Variants in RGS17 observed in about 807,000 individuals in gnomAD.
RGS17 encodes the protein regulator of G-protein signaling 17.
Under a neutral mutation model 25.5 loss-of-function variants are expected in RGS17, and 12 were observed. That is an observed-to-expected ratio of 0.47 (90% CI 0.30 to 0.76). The LOEUF (loss-of-function observed/expected upper bound fraction) is 0.76. RGS17 is among the 30% of genes least tolerant of loss of function. The probability of loss-of-function intolerance (pLI) is 0.07; values close to 1 mark genes in which losing one functional copy is unlikely to be tolerated. For missense variants in RGS17, 196 were observed against 242.2 expected (o/e 0.81, Z 1.27); for synonymous variants, 71 against 76.9 (o/e 0.92, Z 0.40).
intron 1 of RGS17, among the ~76,000 whole-genome samples, chr6:153,098,901 G>A (rs79982150): frequency 4.7e-4 from 71 of 152,264 alleles, no homozygotes; most frequent in African/African-American, 1.7e-3. Context: ...CATTGATGGA[G>A]TAAAAGAGAA....
intron 1 of RGS17, among the ~76,000 whole-genome samples, chr6:153,107,088 T>G (rs1191555815): frequency 1.3e-5 from 2 of 151,262 alleles, no homozygotes; most frequent in African/African-American, 4.9e-5. Flanking sequence ...ATCCCAGCAC[T>G]TTGGGAGGCC....
intron 1 of RGS17, among the ~76,000 whole-genome samples, chr6:153,073,287 G>A (rs1007735718): frequency 1.3e-5 from 2 of 152,134 alleles, no homozygotes; most frequent in Non-Finnish European, 2.9e-5. Context: ...CCCCAGCCCA[G>A]GAGATGCAGT....
rs991066696 is a variant in RGS17, at chr6:153,006,703, AAAT to A, written c.*4868_*4870del. ...ATTATTGACGTGATGCACTTTGATAAAATAATAATGTATGCCACACTTTATTCT... is the reference window on the plus strand; with the variant it reads ...ATTATTGACGTGATGCACTTTGATAAAATAATGTATGCCACACTTTATTCT... On this transcript the variant is annotated 3_prime_UTR_variant, in exon 5 of 5. Transcript: ENST00000206262. The A allele has an allele frequency of 8.5e-5, 13 of 152,258 alleles. No homozygotes were observed. Among genetic ancestry groups the A allele is most frequent in the Non-Finnish European group, 1.3e-4 (9 of 68,044 alleles). 9.4% of individuals were successfully genotyped at this position (152,258 alleles called of 1,614,324 possible).
chr6:153,053,641 C>T (rs1425022209), intron 1 of RGS17, among the ~76,000 whole-genome samples: 1 of 151,574 alleles, frequency 6.6e-6, no homozygotes, highest in Admixed American at 6.6e-5. Flanking sequence ...AAAAATTTAA[C>T]CAGGCATGGT....
intron 1 of RGS17, among the ~76,000 whole-genome samples, chr6:153,085,749 T>C: frequency 6.6e-6 from 1 of 152,178 alleles, no homozygotes; most frequent in East Asian, 1.9e-4. Context: ...ATTTCCTTCA[T>C]TACTCTTACA....
At position 153,027,823 on chromosome 6, in the gene RGS17, A is replaced by G. The variant is rs1307173373; in HGVS notation, c.120-1280T>C. Reference sequence around the variant, plus strand: ...TAGACACTGAGGTCATAGACCACTTACTATGTGAATGCAAAGAAGGGTCAC... The same window carrying G: ...TAGACACTGAGGTCATAGACCACTTGCTATGTGAATGCAAAGAAGGGTCAC... On this transcript the variant is annotated intron_variant, in intron 2 of 4. Coordinates refer to ENST00000206262, the MANE Select transcript of RGS17 (RefSeq NM_012419.5). Among the ~76,000 whole-genome samples the G allele has an allele frequency of 2.6e-5, 4 of 152,286 alleles. No individual in the cohort carries two copies. The East Asian group carries it at 7.7e-4, about 29-fold the overall frequency.
intron 1 of RGS17, among the ~76,000 whole-genome samples, chr6:153,086,492 T>C (rs1777054723): frequency 6.6e-6 from 1 of 152,202 alleles, no homozygotes; most frequent in Admixed American, 6.5e-5. Context: ...AATACATTTA[T>C]AACCACCTTG....
At chr6:153,053,954 A>G (rs1320651267) in intron 1 of RGS17, among the ~76,000 whole-genome samples, 1 of 45,790 alleles carries the variant, frequency 2.2e-5, no homozygotes, top group African/African-American at 2.4e-4. Flanking sequence ...ATATATATAC[A>G]TATATATTAT....
chr6:153,051,722 G>T (rs1419149008), intron 1 of RGS17, among the ~76,000 whole-genome samples: 1 of 152,034 alleles, frequency 6.6e-6, no homozygotes, highest in Non-Finnish European at 1.5e-5. Flanking sequence ...ATGTGAAGAG[G>T]GACTTATCAA....
chr6:153,075,696 T>C (rs1776866284), intron 1 of RGS17, among the ~76,000 whole-genome samples: 1 of 152,194 alleles, frequency 6.6e-6, no homozygotes, highest in Non-Finnish European at 1.5e-5. Flanking sequence ...AATGGAGAAC[T>C]GTGCATCTGT....
chr6:153,063,110 C>A (rs1776661655), intron 1 of RGS17, among the ~76,000 whole-genome samples: 1 of 152,128 alleles, frequency 6.6e-6, no homozygotes, highest in Non-Finnish European at 1.5e-5. Context: ...TACAAAGGAG[C>A]CCAGGCAGTG....
At chr6:153,024,207 T>C (rs921705128) in intron 4 of RGS17, 55 bp downstream of exon 4, 22 of 1,220,604 alleles carry the variant, frequency 1.8e-5, no homozygotes, top group Non-Finnish European at 2.5e-5. Flanking sequence ...CAGCCATCCC[T>C]TGACGGTTAT....
intron 4 of RGS17, among the ~76,000 whole-genome samples, chr6:153,019,187 A>T (rs1779214346): frequency 6.6e-6 from 1 of 152,190 alleles, no homozygotes; most frequent in East Asian, 1.9e-4. Flanking sequence ...AGCGCACTAA[A>T]GCGAGCTGCT....
chr6:153,035,153 C>CA (rs55877870), intron 2 of RGS17, among the ~76,000 whole-genome samples: 25,522 of 146,636 alleles, frequency 0.17, 2,654 homozygotes, highest in African/African-American at 0.3. Flanking sequence ...GACTCTCTCA[C>CA]AAAAAAAAAA....
chr6:153,010,892 T>TG lies in RGS17; in HGVS notation c.*681_*682insC, dbSNP rs1334775896. The TG allele has an allele frequency of 6.6e-6, 1 of 151,108 alleles. No individual in the cohort carries two copies. The highest frequency in any genetic ancestry group is 1.9e-4 in the East Asian group (1 of 5,182). 9.4% of individuals were successfully genotyped at this position (151,108 alleles called of 1,614,324 possible). On this transcript the variant is annotated 3_prime_UTR_variant, in exon 5 of 5. Coordinates refer to ENST00000206262, the MANE Select transcript of RGS17 (RefSeq NM_012419.5). ...CTTTTTTCCTTCTTCCCTTTTTTTT[T>TG]TTTTTTGTTTTTTGCTTTTAGCATA...
At chr6:153,054,739 T>TA (rs11389990) in intron 1 of RGS17, among the ~76,000 whole-genome samples, 58,141 of 151,172 alleles carry the variant, frequency 0.38, 11,919 homozygotes, top group East Asian at 0.62. Context: ...TCAACCGGCT[T>TA]AAAAAAAACA....
chr6:153,125,134 T>A (rs1438275296), intron 1 of RGS17, among the ~76,000 whole-genome samples: 1 of 152,222 alleles, frequency 6.6e-6, no homozygotes, highest in African/African-American at 2.4e-5. Flanking sequence ...TCTGTTTTAC[T>A]GTAATGCCAT....
At chr6:153,051,383 T>C (rs1776460232) in intron 1 of RGS17, among the ~76,000 whole-genome samples, 2 of 152,172 alleles carry the variant, frequency 1.3e-5, no homozygotes, top group Admixed American at 6.5e-5. Flanking sequence ...AGAATACATA[T>C]GTAATCATGG....
At chr6:153,082,392 A>AT (rs1169187027) in intron 1 of RGS17, among the ~76,000 whole-genome samples, 1 of 151,808 alleles carries the variant, frequency 6.6e-6, no homozygotes, top group African/African-American at 2.4e-5. Flanking sequence ...TCATTTCAGT[A>AT]TTTTTTTTCC....
Sources: gnomAD v4.1 joint callset for allele counts (sites outside exome capture counted in the v4.1 genomes callset) on GRCh38, gnomAD v4.1.1 for gene constraint, MANE v1.5 for transcripts, NCBI Gene and HGNC (gene_info 2026-07-23, HGNC 2026-07-21) for gene names.